KIDINS220: variants seen among roughly 807,000 people sequenced by gnomAD.
KIDINS220 encodes kinase D-interacting substrate of 220 kDa.
A neutral mutation model predicts 157.6 loss-of-function variants in KIDINS220; 63 were observed. That is an observed-to-expected ratio of 0.40 (90% CI 0.33 to 0.49). The LOEUF (loss-of-function observed/expected upper bound fraction) is 0.49. Ranked by LOEUF, KIDINS220 falls within the 20% of genes least tolerant of loss-of-function variation. The pLI, the probability that KIDINS220 is intolerant of heterozygous loss-of-function variation, is 0.66. For synonymous variants in KIDINS220, 732 were observed against 783.6 expected, an observed-to-expected ratio of 0.93 and a Z score of 1.10; for missense variants, 1,772 against 2,171.2, an observed-to-expected ratio of 0.82 and a Z score of 3.65.
At chr2:8,746,911 C>A in intron 26 of KIDINS220, 1 of 466,172 alleles carries the variant, frequency 2.1e-6, no homozygotes, top group Non-Finnish European at 3.8e-6. Context: ...AAAAAAACCC[C>A]ATCCCATGTA....
At chr2:8,744,106 ATATAT>A (rs1175376483) in intron 26 of KIDINS220, among the ~76,000 whole-genome samples, 8 of 145,970 alleles carry the variant, frequency 5.5e-5, no homozygotes, top group Admixed American at 6.9e-5. Context: ...TATATCATTA[ATATAT>A]TATATATTTT....
In KIDINS220 at chr2:8,779,093, C is replaced by T. The variant is rs1434617295; in HGVS notation, c.2417G>A (p.Ser806Asn). 1.2e-6 allele frequency: 2 copies of T among 1,613,894 alleles called. No homozygotes were observed. The highest frequency in any genetic ancestry group is 1.1e-5 in the South Asian group (1 of 91,092). Reference sequence around the variant, plus strand: ...TGCCTTTATGATAATATGTGGATCACTTGCAAAAATGGCAATGAACGGGCC... The same window carrying T: ...TGCCTTTATGATAATATGTGGATCATTTGCAAAAATGGCAATGAACGGGCC... ...SKGPFIAIFA[S>N]DPHIIIKAIN... Residue 806 changes from serine to asparagine, a missense_variant, in exon 19 of 30, where the codon AGT (serine) becomes AAT (asparagine). Ser to Asn is a conservative substitution (Grantham distance 46). Coordinates refer to ENST00000256707, the MANE Select transcript of KIDINS220 (RefSeq NM_020738.4).
intron 9 of KIDINS220, among the ~76,000 whole-genome samples, chr2:8,799,540 A>G (rs772688277): frequency 1.3e-5 from 2 of 152,110 alleles, no homozygotes; most frequent in African/African-American, 4.8e-5. Context: ...CAAGACTCAT[A>G]CTTGAACCTT....
chr2:8,829,992 T>C (rs1192953013), intron 1 of KIDINS220, among the ~76,000 whole-genome samples: 1 of 151,844 alleles, frequency 6.6e-6, no homozygotes, highest in African/African-American at 2.4e-5. Flanking sequence ...CCAGTGCTGC[T>C]CCACACTCCC....
At chr2:8,804,244 T>G (rs937770132) in intron 7 of KIDINS220, among the ~76,000 whole-genome samples, 1 of 152,246 alleles carries the variant, frequency 6.6e-6, no homozygotes, top group Non-Finnish European at 1.5e-5. Context: ...TGCCAAAAAG[T>G]ATGACATAAA....
rs370574933 is a variant in KIDINS220 at position 8,813,296 on chromosome 2, G to A, written c.346C>T (p.Arg116Cys). 95 of 1,613,292 alleles carry A rather than the reference G, an allele frequency of 5.9e-5. No homozygotes were observed. In the African/African-American group the frequency reaches 8.5e-4, roughly 15 times the overall value. Residue 116 changes from arginine (R) to cysteine (C), a missense_variant, in exon 5 of 30, where the codon CGT becomes TGT. By Grantham distance (180) the Arg-to-Cys change is radical. This residue lies in a region of KIDINS220 where 254 missense variants were observed against 268.6 expected (regional missense o/e 0.95). Transcript: ENST00000256707. ...TALMWACYKG[R>C]TDVVELLLSH... The stretch of plus-strand genomic sequence containing the variant: ...AGAAGCAACTCTACTACGTCAGTAC[G>A]GCCTTTGTAACATGCCCACATAAGA...
At chr2:8,836,238 T>C (rs1422293398) in intron 1 of KIDINS220, among the ~76,000 whole-genome samples, 1 of 151,740 alleles carries the variant, frequency 6.6e-6, no homozygotes, top group Non-Finnish European at 1.5e-5. Context: ...GAGCAGACTT[T>C]TCTCTACTTA....
At chr2:8,833,691 G>C (rs13020230) in intron 1 of KIDINS220, among the ~76,000 whole-genome samples, 12,819 of 152,026 alleles carry the variant, frequency 0.084, 758 homozygotes, top group East Asian at 0.18. Context: ...AATGTCCACA[G>C]CACTTTCTCT....
At chr2:8,755,658 A>G (rs954965886) in intron 22 of KIDINS220, among the ~76,000 whole-genome samples, 1 of 152,226 alleles carries the variant, frequency 6.6e-6, no homozygotes, top group Non-Finnish European at 1.5e-5. Flanking sequence ...AATTTTGTAC[A>G]TGGTGTGGGG....
intron 17 of KIDINS220, 69 bp downstream of exon 17, chr2:8,785,672 G>A: frequency 1.5e-6 from 2 of 1,334,388 alleles, no homozygotes; most frequent in Non-Finnish European, 2.1e-6. Flanking sequence ...ACTTCCTAAA[G>A]CCCAAATGAG....
At chr2:8,782,660 C>T (rs1011919682) in intron 17 of KIDINS220, among the ~76,000 whole-genome samples, 8 of 152,172 alleles carry the variant, frequency 5.3e-5, no homozygotes, top group African/African-American at 1.9e-4. Context: ...GGAATGCTTC[C>T]TAACTCATGC....
At chr2:8,773,611 T>A (rs1670534151) in intron 21 of KIDINS220, among the ~76,000 whole-genome samples, 1 of 152,062 alleles carries the variant, frequency 6.6e-6, no homozygotes, top group Non-Finnish European at 1.5e-5. Flanking sequence ...TAGCTGGGAT[T>A]ACAGGTGTGA....
chr2:8,737,353 C>T (rs770075929), intron 26 of KIDINS220: 10 of 166,746 alleles, frequency 6.0e-5, no homozygotes, highest in Admixed American at 1.8e-4. Flanking sequence ...AAAACACACA[C>T]GCAAAAAGAT....
At chr2:8,734,492 T>C (rs62104371) in intron 28 of KIDINS220, among the ~76,000 whole-genome samples, 163 bp downstream of exon 28, 448 of 152,296 alleles carry the variant, frequency 2.9e-3, no homozygotes, top group Non-Finnish European at 5.5e-3. Context: ...CAACACAGGA[T>C]TGCACATAAG....
chr2:8,821,028 C>T (rs68032361), intron 2 of KIDINS220, among the ~76,000 whole-genome samples: 9,754 of 152,044 alleles, frequency 0.064, 367 homozygotes, highest in Middle Eastern at 0.16. Context: ...ATTATAATTC[C>T]AAAGACTCAG....
intron 2 of KIDINS220, among the ~76,000 whole-genome samples, chr2:8,819,241 C>G (rs1219229686): frequency 6.6e-6 from 1 of 151,978 alleles, no homozygotes; most frequent in Non-Finnish European, 1.5e-5. Context: ...ATAAAAACAA[C>G]CAGGTGCTAT....
Position 8,800,338 on chromosome 2 carries a change from A to G in KIDINS220, c.900+62T>C, listed in dbSNP as rs573656541. On this transcript the variant is annotated intron_variant, in intron 9 of 29. Transcript: ENST00000256707. ...GGAAAGTGGGAAGAATAACATTATG[A>G]TCAGTCAACACTTACATGCAATTAT... The G allele has an allele frequency of 5.0e-5, 51 of 1,025,368 alleles. No individual in the cohort carries two copies. The African/African-American group carries it at 7.2e-4, about 14-fold the overall frequency. The allele number at this position is 1,025,368 out of a possible 1,614,324, so 63.5% of individuals were successfully genotyped here. A position where few individuals can be genotyped will look rare whatever the true frequency, so the allele number is the denominator to read the frequency against.
In KIDINS220 at chr2:8,786,372, C is replaced by T; in HGVS notation, c.1788-15G>A. ...TAAACAAAAACCTTGAAGAAAAGAA[C>T]AAATCAAACATTACTTTATTATCTA... On this transcript the variant is annotated splice_polypyrimidine_tract_variant and intron_variant, in intron 15 of 29. Coordinates refer to ENST00000256707, the MANE Select transcript of KIDINS220 (RefSeq NM_020738.4). The T allele has an allele frequency of 1.3e-6, 2 of 1,596,954 alleles. No individual in the cohort carries two copies. The highest frequency in any genetic ancestry group is 8.6e-7 in the Non-Finnish European group (1 of 1,165,794).
chr2:8,726,575 C>T (rs189585833), downstream of KIDINS220, among the ~76,000 whole-genome samples: 18 of 152,272 alleles, frequency 1.2e-4, no homozygotes, highest in South Asian at 1.7e-3. Flanking sequence ...CTGAGAAATG[C>T]GCTGTTGGAC....
Sources: allele counts gnomAD v4.1 joint callset (sites outside exome capture counted in the v4.1 genomes callset), GRCh38; gene constraint gnomAD v4.1.1; regional missense constraint gnomAD v4.1.1; transcripts MANE v1.5; gene names NCBI Gene and HGNC (gene_info 2026-07-23, HGNC 2026-07-21).